SCAPER: variants seen among roughly 807,000 people sequenced by gnomAD.
SCAPER encodes the protein S phase cyclin A-associated protein in the endoplasmic reticulum.
In SCAPER, 98 loss-of-function variants were observed where a neutral mutation model predicts 182.2. The ratio of observed to expected loss-of-function variants is 0.54; its 90% CI spans 0.46 to 0.64. The LOEUF (loss-of-function observed/expected upper bound fraction) is 0.64. Ranked by LOEUF, SCAPER falls within the 30% of genes least tolerant of loss-of-function variation. SCAPER has a pLI of 0.00. For synonymous variants in SCAPER, 605 were observed against 564.6 expected (o/e 1.07, Z -1.01); for missense variants, 1,432 against 1,690.0 (o/e 0.85, Z 2.68).
Position 76,419,519 on chromosome 15 carries a change from G to A in SCAPER, c.3311+14559C>T, listed in dbSNP as rs138839140. On this transcript the variant is annotated intron_variant, in intron 26 of 31. Transcript: ENST00000563290. ...GCAGATCATCTGAGGTCAGGAATTC[G>A]AGACCTGCCTGACCAACATGGAGAC... 1.1e-4 allele frequency among the ~76,000 whole-genome samples: 16 copies of A among 152,116 alleles called. No homozygotes were observed. The East Asian group carries it at 2.9e-3, about 28-fold the overall frequency.
intron 23 of SCAPER, among the ~76,000 whole-genome samples, chr15:76,517,244 A>G (rs2042498501): frequency 6.6e-6 from 1 of 151,972 alleles, no homozygotes; most frequent in South Asian, 2.1e-4. Flanking sequence ...TTTTAAAAAT[A>G]TATTTTTAAA....
intron 2 of SCAPER, among the ~76,000 whole-genome samples, chr15:76,866,925 G>A (rs2072341419): frequency 6.6e-6 from 1 of 152,052 alleles, no homozygotes; most frequent in Non-Finnish European, 1.5e-5. Context: ...ACCTAGTGCT[G>A]TATGGAGATT....
chr15:76,373,947 C>T (rs536111107), intron 29 of SCAPER, among the ~76,000 whole-genome samples: 15 of 150,864 alleles, frequency 9.9e-5, no homozygotes, highest in South Asian at 2.1e-4. Context: ...TTTCAGCTCT[C>T]GTTGTACAGC....
At position 76,849,519 on chromosome 15, in the gene SCAPER, G is replaced by GT. The variant is rs941476744; in HGVS notation, c.196-7589dup. On this transcript the variant is annotated intron_variant, in intron 4 of 31. Transcript: ENST00000563290. ...AAGTCCCTTCCTCTGCTGGCTCCAA[G>GT]TTGGGGAGGAAACATCACCCCAGAG... is the stretch of plus-strand genomic sequence containing the variant. 7.9e-5 allele frequency among the ~76,000 whole-genome samples: 12 copies of GT among 152,280 alleles called. No homozygotes were observed. The South Asian group carries it at 2.5e-3, about 32-fold the overall frequency.
At chr15:76,753,971 T>C (rs201448841) in intron 14 of SCAPER, 23 bp from the exon 15 acceptor site, 1 of 1,607,792 alleles carries the variant, frequency 6.2e-7, no homozygotes, top group Non-Finnish European at 8.5e-7. Context: ...AATCATCACA[T>C]CCTTAATTTC....
chr15:76,831,788 G>T (rs1352758962), intron 5 of SCAPER, among the ~76,000 whole-genome samples: 2 of 152,094 alleles, frequency 1.3e-5, no homozygotes, highest in African/African-American at 4.8e-5. Context: ...AGTGCAGCAG[G>T]TGCTTGACCT....
intron 17 of SCAPER, among the ~76,000 whole-genome samples, chr15:76,722,224 T>C (rs2060289698): frequency 6.6e-6 from 1 of 152,220 alleles, no homozygotes; most frequent in Admixed American, 6.5e-5. Flanking sequence ...TATGCTGGAT[T>C]ACGTTTATTG....
intron 15 of SCAPER, among the ~76,000 whole-genome samples, chr15:76,739,030 C>T (rs964318104): frequency 6.6e-6 from 1 of 152,042 alleles, no homozygotes; most frequent in African/African-American, 2.4e-5. Flanking sequence ...GTCTTTAACC[C>T]CTAAATAATA....
intron 7 of SCAPER, among the ~76,000 whole-genome samples, chr15:76,796,859 A>C (rs1404113340): frequency 4.6e-5 from 7 of 152,212 alleles, no homozygotes; most frequent in Non-Finnish European, 1.0e-4. Flanking sequence ...TCCAAAGCCC[A>C]TCAACCTTTA....
chr15:76,541,761 C>A (rs2044769331), intron 23 of SCAPER, among the ~76,000 whole-genome samples: 1 of 152,184 alleles, frequency 6.6e-6, no homozygotes, highest in South Asian at 2.1e-4. Flanking sequence ...TGAGGGCTTG[C>A]CTATTAACAC....
At chr15:76,685,620 T>C (rs1160738039) in intron 20 of SCAPER, among the ~76,000 whole-genome samples, 13 of 152,024 alleles carry the variant, frequency 8.6e-5, no homozygotes, top group Non-Finnish European at 1.9e-4. Flanking sequence ...AAGAAGAATA[T>C]CAGGAAGATG....
At position 76,766,849 on chromosome 15, in the gene SCAPER, T is replaced by C. The variant is rs572247336; in HGVS notation, c.1419+69A>G. ...TAGGACTAGATGGACTCCAAGTCTT[T>C]CTGGCCCAGATAATTTTGTTTCTAA... On this transcript the variant is annotated intron_variant, in intron 11 of 31. Transcript: ENST00000563290. 873 of 1,328,360 alleles carry C rather than the reference T, an allele frequency of 6.6e-4. 3 individuals carry two copies. Among genetic ancestry groups the C allele is most frequent in the Non-Finnish European group, 8.1e-4 (793 of 977,328 alleles). 82.3% of individuals were successfully genotyped at this position (1,328,360 alleles called of 1,614,324 possible).
At chr15:76,605,657 CT>C (rs2050321946) in intron 22 of SCAPER, among the ~76,000 whole-genome samples, 1 of 152,006 alleles carries the variant, frequency 6.6e-6, no homozygotes, top group Non-Finnish European at 1.5e-5. Context: ...TAGTCCTGGA[CT>C]TTCTTTGGTT....
chr15:76,775,666 C>G (rs979328469), intron 8 of SCAPER, among the ~76,000 whole-genome samples: 2 of 152,124 alleles, frequency 1.3e-5, no homozygotes, highest in East Asian at 1.9e-4. Flanking sequence ...GTTCTTTCCT[C>G]CATCCCAGCA....
intron 26 of SCAPER, among the ~76,000 whole-genome samples, chr15:76,416,758 A>C (rs934783590): frequency 5.9e-5 from 9 of 152,252 alleles, no homozygotes; most frequent in African/African-American, 2.2e-4. Context: ...GATGTTCTTC[A>C]GTGTTATCTG....
intron 1 of SCAPER, among the ~76,000 whole-genome samples, chr15:76,903,412 A>G (rs753291789): frequency 2.0e-5 from 3 of 152,254 alleles, no homozygotes; most frequent in Non-Finnish European, 2.9e-5. Context: ...TTCCAAGGTC[A>G]TATCAGGAGG....
intron 21 of SCAPER, among the ~76,000 whole-genome samples, chr15:76,645,079 A>G (rs1257571290): frequency 6.6e-6 from 1 of 152,132 alleles, no homozygotes; most frequent in Non-Finnish European, 1.5e-5. Flanking sequence ...CCTAAACAAT[A>G]CATATAACAA....
chr15:76,474,550 G>A (rs529379452), intron 24 of SCAPER, among the ~76,000 whole-genome samples: 10 of 152,236 alleles, frequency 6.6e-5, no homozygotes, highest in African/African-American at 1.7e-4. Context: ...CTAATTTCAC[G>A]TAATAGCATC....
intron 25 of SCAPER, among the ~76,000 whole-genome samples, chr15:76,456,813 C>T (rs1033851700): frequency 1.6e-4 from 24 of 152,124 alleles, no homozygotes; most frequent in African/African-American, 5.8e-4. Context: ...ACTGTTATAT[C>T]TTCCTGTTGA....
Sources: gnomAD v4.1 joint callset for allele counts (sites outside exome capture counted in the v4.1 genomes callset) on GRCh38, gnomAD v4.1.1 for gene constraint, MANE v1.5 for transcripts, NCBI Gene and HGNC (gene_info 2026-07-23, HGNC 2026-07-21) for gene names.